The following KDM2A variants were observed in gnomAD, a reference collection of about 807,000 sequenced individuals.
KDM2A encodes lysine-specific demethylase 2A.
KDM2A carries 3 observed loss-of-function variants against 137.3 expected under a neutral mutation model. That is an observed-to-expected ratio of 0.02 (90% CI 0.01 to 0.06). The LOEUF (loss-of-function observed/expected upper bound fraction) is 0.06. Ranked by LOEUF, KDM2A falls within the 10% of genes least tolerant of loss-of-function variation. The pLI, the probability that KDM2A is intolerant of heterozygous loss-of-function variation, is 1.00. For missense variants in KDM2A, 738 were observed against 1,510.6 expected (o/e 0.49, Z 8.48); for synonymous variants, 512 against 541.5 (o/e 0.95, Z 0.76).
chr11:67,176,286 TCTA>T (rs1856972238), intron 2 of KDM2A, among the ~76,000 whole-genome samples: 1 of 152,212 alleles, frequency 6.6e-6, no homozygotes, highest in South Asian at 2.1e-4. Context: ...TTCACAGACT[TCTA>T]CTCCCTAAGA....
chr11:67,253,347 T>C, intron 18 of KDM2A, 106 bp from the exon 19 acceptor site: 1 of 951,158 alleles, frequency 1.1e-6, no homozygotes, highest in Non-Finnish European at 1.6e-6. Flanking sequence ...GGCATAGTCC[T>C]TCTCTCCTAT....
At chr11:67,181,764 A>G (rs1857095742) in intron 4 of KDM2A, 82 bp from the exon 5 acceptor site, 1 of 1,084,806 alleles carries the variant, frequency 9.2e-7, no homozygotes, top group Non-Finnish European at 1.4e-6. Flanking sequence ...TCTGGGGAGT[A>G]CTCAGTACTT....
intron 2 of KDM2A, among the ~76,000 whole-genome samples, chr11:67,162,433 C>G (rs1324428115): frequency 1.3e-5 from 2 of 152,120 alleles, no homozygotes; most frequent in South Asian, 2.1e-4. Flanking sequence ...GAGACAGAGT[C>G]TCGTTCTGTC....
intron 5 of KDM2A, among the ~76,000 whole-genome samples, chr11:67,184,154 G>T (rs1029944644): frequency 5.4e-5 from 8 of 149,106 alleles, no homozygotes; most frequent in African/African-American, 1.7e-4. Flanking sequence ...TCTCCTAATT[G>T]TTGCAGGCCT....
intron 11 of KDM2A, among the ~76,000 whole-genome samples, chr11:67,229,015 C>T (rs1858631714): frequency 6.6e-6 from 1 of 152,146 alleles, no homozygotes; most frequent in Non-Finnish European, 1.5e-5. Context: ...AGCCACCACT[C>T]CTGGCCCGGT....
intron 2 of KDM2A, among the ~76,000 whole-genome samples, chr11:67,126,055 G>A (rs1318255002): frequency 6.6e-6 from 1 of 150,498 alleles, no homozygotes; most frequent in East Asian, 2.0e-4. Context: ...AGACCAGCCT[G>A]ACACAACATG....
At position 67,180,066 on chromosome 11, in the gene KDM2A, C is replaced by G; in HGVS notation, c.43-13C>G. On this transcript the variant is annotated splice_polypyrimidine_tract_variant and intron_variant, in intron 2 of 20. Transcript: ENST00000529006. ...AGTGCATGATTTCATCAGTATGTTC[C>G]TTTCTTTCCTAGCGTGGTACCATGC... The G allele has an allele frequency of 6.2e-7, 1 of 1,607,934 alleles. No homozygotes were observed. The highest frequency in any genetic ancestry group is 2.2e-5 in the East Asian group (1 of 44,596).
chr11:67,168,608 C>T lies in KDM2A; in HGVS notation c.43-11471C>T, dbSNP rs943808957. ...ACACACACACACACACACACACACA[C>T]ACACACACACACACACACACACACA... On this transcript the variant is annotated intron_variant, in intron 2 of 20. Transcript: ENST00000529006. Among the ~76,000 whole-genome samples the T allele has an allele frequency of 6.5e-3, 673 of 103,292 alleles. 70 individuals carry two copies. The highest frequency in any genetic ancestry group is 0.026 in the African/African-American group (338 of 12,856). The allele number at this position is 103,292 out of a possible 152,430, so 67.8% of individuals were successfully genotyped here.
At chr11:67,180,388 C>A (rs1469275950) in intron 3 of KDM2A, 171 bp downstream of exon 3, 5 of 549,434 alleles carry the variant, frequency 9.1e-6, no homozygotes, top group Admixed American at 7.4e-5. Flanking sequence ...AGTCCTCCCA[C>A]CCTGTGAGTC....
At chr11:67,151,082 A>G (rs1050057639) in intron 2 of KDM2A, among the ~76,000 whole-genome samples, 74 of 152,300 alleles carry the variant, frequency 4.9e-4, no homozygotes, top group African/African-American at 1.5e-3. Context: ...TTAGTTTGTA[A>G]GTTATACCTT....
intron 2 of KDM2A, 45 bp downstream of exon 2, chr11:67,121,403 G>C: frequency 6.3e-7 from 1 of 1,575,010 alleles, no homozygotes; most frequent in Non-Finnish European, 8.7e-7. Flanking sequence ...TTTAAAGTAG[G>C]ATAACTATTT....
chr11:67,177,912 G>A (rs1186408802), intron 2 of KDM2A, among the ~76,000 whole-genome samples: 1 of 152,134 alleles, frequency 6.6e-6, no homozygotes, highest in East Asian at 1.9e-4. Flanking sequence ...TGGCAACAGT[G>A]TCACTAAGAG....
At chr11:67,204,431 A>T (rs1221331637) in intron 5 of KDM2A, among the ~76,000 whole-genome samples, 1 of 152,104 alleles carries the variant, frequency 6.6e-6, no homozygotes, top group Non-Finnish European at 1.5e-5. Flanking sequence ...ATTTCATATA[A>T]ATGGAACTAT....
At chr11:67,249,997 C>G in intron 16 of KDM2A, 89 bp from the exon 17 acceptor site, 4 of 1,065,456 alleles carry the variant, frequency 3.8e-6, no homozygotes, top group Non-Finnish European at 2.7e-6. Context: ...CTCTCTGGTC[C>G]CCTGAGAGCA....
chr11:67,246,141 T>C lies in KDM2A; in HGVS notation c.1965+25T>C, dbSNP rs369914919. The C allele has an allele frequency of 4.3e-6, 7 of 1,612,568 alleles. No homozygotes were observed. The African/African-American group carries it at 9.3e-5, about 22-fold the overall frequency. ...GGTGAGGAGAGCTATGAGGGGTTCC[T>C]GAAGTCTCAGCTAATGGAGTGAGTG... On this transcript the variant is annotated intron_variant, in intron 15 of 20. Transcript: ENST00000529006.
intron 6 of KDM2A, among the ~76,000 whole-genome samples, chr11:67,211,279 G>A (rs1857971404): frequency 6.6e-6 from 1 of 151,878 alleles, no homozygotes; most frequent in African/African-American, 2.4e-5. Context: ...AGTGAGTTTT[G>A]ACAAACATAT....
chr11:67,204,103 C>A (rs1857732105), intron 5 of KDM2A, among the ~76,000 whole-genome samples: 1 of 151,936 alleles, frequency 6.6e-6, no homozygotes, highest in African/African-American at 2.4e-5. Flanking sequence ...ACCTGGCCTC[C>A]CCTACATTCT....
At chr11:67,215,530 T>C (rs996712968) in intron 7 of KDM2A, 84 bp downstream of exon 7, 12 of 866,238 alleles carry the variant, frequency 1.4e-5, no homozygotes, top group Admixed American at 6.2e-5. Flanking sequence ...TTACGAGCTT[T>C]GCTCTGTGTC....
In KDM2A at chr11:67,250,303, A is replaced by C. The variant is rs1420394648; in HGVS notation, c.2273A>C (p.Lys758Thr). The part of the protein sequence containing the change: ...HHSASRDERF[K>T]RRQLLRLQAT... ...AGTGCCAGCCGCGATGAGCGCTTCAAACGGCGGCAGTTGCTGCGGCTGCAG... is the reference window on the plus strand; with the variant it reads ...AGTGCCAGCCGCGATGAGCGCTTCACACGGCGGCAGTTGCTGCGGCTGCAG... The change falls in exon 17 of 21, where the codon AAA becomes ACA. Residue 758 changes from lysine to threonine, a missense_variant. By Grantham distance (78) the Lys-to-Thr change is moderately conservative. Transcript: ENST00000529006. The surrounding 1 kb of genome is among the most constrained non-coding windows in gnomAD (Gnocchi z 7.1). The C allele has an allele frequency of 6.2e-7, 1 of 1,613,952 alleles. No individual in the cohort carries two copies.
Sources: allele counts gnomAD v4.1 joint callset (sites outside exome capture counted in the v4.1 genomes callset), GRCh38; gene constraint gnomAD v4.1.1; non-coding constraint Gnocchi (gnomAD v3.1); transcripts MANE v1.5; gene names NCBI Gene and HGNC (gene_info 2026-07-23, HGNC 2026-07-21).